Variants in WWOX observed in about 807,000 individuals in gnomAD.
WWOX encodes the protein WW domain-containing oxidoreductase.
In WWOX, 69 loss-of-function variants were observed where a neutral mutation model predicts 46.2. That is an observed-to-expected ratio of 1.49 (90% confidence interval 1.23 to 1.82). The LOEUF (loss-of-function observed/expected upper bound fraction) is 1.82, where lower values mean the gene tolerates loss of function less well. Among genes scored for constraint, WWOX ranks in the 40% most tolerant of loss-of-function variants. The pLI is 0.00. For synonymous variants in WWOX, 359 were observed against 202.6 expected, an observed-to-expected ratio of 1.77 and a Z score of -6.56; for missense variants, 919 against 542.6, an observed-to-expected ratio of 1.69 and a Z score of -6.89.
intron 5 of WWOX, among the ~76,000 whole-genome samples, chr16:78,334,909 G>C (rs2080850006): frequency 7.1e-6 from 1 of 140,598 alleles, no homozygotes; most frequent in South Asian, 2.3e-4. Flanking sequence ...TCATTGAGGA[G>C]ATACCATCTT....
chr16:78,310,362 C>T (rs907346326), intron 5 of WWOX, among the ~76,000 whole-genome samples: 1 of 152,214 alleles, frequency 6.6e-6, no homozygotes, highest in Non-Finnish European at 1.5e-5. Context: ...ACACAGCCTG[C>T]ACTATGTTTG....
chr16:78,626,790 T>G (rs1189858932), intron 8 of WWOX, among the ~76,000 whole-genome samples: 1 of 152,138 alleles, frequency 6.6e-6, no homozygotes, highest in Admixed American at 6.6e-5. Context: ...TCTCCCCCAT[T>G]TATTTATTTA....
intron 8 of WWOX, among the ~76,000 whole-genome samples, chr16:78,536,772 C>T (rs1233943537): frequency 1.3e-5 from 2 of 151,998 alleles, no homozygotes; most frequent in African/African-American, 2.4e-5. Flanking sequence ...AGGTGACTTG[C>T]CTCTAGCTGA....
At chr16:78,899,074 T>G (rs2044765889) in intron 8 of WWOX, 1 of 152,080 alleles carries the variant, frequency 6.6e-6, no homozygotes, top group African/African-American at 2.4e-5. Context: ...TTTTATGGCT[T>G]TTGTTTCTTT....
At chr16:78,923,423 C>T (rs988522695) in intron 8 of WWOX, among the ~76,000 whole-genome samples, 1 of 152,124 alleles carries the variant, frequency 6.6e-6, no homozygotes, top group African/African-American at 2.4e-5. Flanking sequence ...GTCCCAGGTC[C>T]AGCCTGCTAT....
chr16:78,447,828 G>C (rs1597098963), intron 8 of WWOX, among the ~76,000 whole-genome samples: 1 of 152,108 alleles, frequency 6.6e-6, no homozygotes. Flanking sequence ...ATGTGAGTTG[G>C]AGTCTCCTTG....
chr16:78,919,257 C>G (rs541974852), intron 8 of WWOX, among the ~76,000 whole-genome samples: 33 of 152,134 alleles, frequency 2.2e-4, no homozygotes, highest in South Asian at 1.2e-3. Flanking sequence ...GACACCCCCC[C>G]ACTCTTAGCC....
chr16:79,028,561 T>TCTCTCCTTCCTTCCC (rs1160823327), intron 8 of WWOX, among the ~76,000 whole-genome samples: 2 of 151,424 alleles, frequency 1.3e-5, no homozygotes, highest in Non-Finnish European at 2.9e-5. Flanking sequence ...TCTTCCCTCC[T>TCTCTCCTTCCTTCCC]CTCTCCTTCC....
chr16:78,957,165 C>A, intron 8 of WWOX, among the ~76,000 whole-genome samples: 1 of 152,320 alleles, frequency 6.6e-6, no homozygotes, highest in Middle Eastern at 3.4e-3. Context: ...TCTGAGGTAT[C>A]TGCCCTTAAA....
chr16:79,045,459 A>T (rs1421772740), intron 8 of WWOX, among the ~76,000 whole-genome samples: 4 of 152,200 alleles, frequency 2.6e-5, no homozygotes, highest in African/African-American at 9.6e-5. Flanking sequence ...GAAATGGGCA[A>T]AGTTGCCAGC....
At chr16:78,110,022 T>A (rs564771959) in intron 3 of WWOX, among the ~76,000 whole-genome samples, 187 bp downstream of exon 3, 1 of 151,996 alleles carries the variant, frequency 6.6e-6, no homozygotes, top group East Asian at 1.9e-4. Flanking sequence ...TTCTTCTATT[T>A]TCCCCGCACA....
intron 8 of WWOX, among the ~76,000 whole-genome samples, chr16:78,442,347 G>T (rs1273502353): frequency 2.0e-5 from 3 of 151,998 alleles, no homozygotes; most frequent in African/African-American, 7.3e-5. Context: ...ATCGTTAACT[G>T]TATTCACCAT....
At chr16:78,639,380 T>C (rs1186664179) in intron 8 of WWOX, among the ~76,000 whole-genome samples, 2 of 152,150 alleles carry the variant, frequency 1.3e-5, no homozygotes, top group African/African-American at 4.8e-5. Flanking sequence ...ATAACAGACC[T>C]GTGGGCTCAG....
chr16:78,744,818 G>T (rs1308073052), intron 8 of WWOX, among the ~76,000 whole-genome samples: 2 of 152,164 alleles, frequency 1.3e-5, no homozygotes, highest in African/African-American at 4.8e-5. Context: ...AAACTGGTTG[G>T]TTGGCCTGAA....
chr16:78,362,741 C>T (rs2151914674), intron 5 of WWOX, among the ~76,000 whole-genome samples: 1 of 152,324 alleles, frequency 6.6e-6, no homozygotes, highest in South Asian at 2.1e-4. Flanking sequence ...AAATAGTAGA[C>T]ACAGTTCATG....
intron 4 of WWOX, among the ~76,000 whole-genome samples, chr16:78,147,687 TTTTTTTTTTA>T (rs1164789751): frequency 1.6e-4 from 20 of 126,220 alleles, no homozygotes; most frequent in African/African-American, 5.3e-4. Flanking sequence ...TTTTTTTTTT[TTTTTTTTTTA>T]AAAAAAAAAA....
At chr16:78,887,787 A>G (rs1206287789) in intron 8 of WWOX, among the ~76,000 whole-genome samples, 1 of 152,218 alleles carries the variant, frequency 6.6e-6, no homozygotes, top group East Asian at 1.9e-4. Flanking sequence ...TTTTCTCCAC[A>G]TTTGTGCAAT....
intron 1 of WWOX, among the ~76,000 whole-genome samples, 164 bp from the exon 2 acceptor site, chr16:78,108,259 C>A (rs191874655): frequency 7.7e-4 from 116 of 151,160 alleles, no homozygotes; most frequent in African/African-American, 2.7e-3. Context: ...CAGCAAACCT[C>A]CTAAAGTTGA....
chr16:78,817,455 A>G (rs999310668), intron 8 of WWOX, among the ~76,000 whole-genome samples: 6 of 152,212 alleles, frequency 3.9e-5, no homozygotes, highest in Non-Finnish European at 7.3e-5. Context: ...TGAAAGATCT[A>G]TCGGAAGAGT....
Sources: gnomAD v4.1 joint callset for allele counts (sites outside exome capture counted in the v4.1 genomes callset) on GRCh38, gnomAD v4.1.1 for gene constraint, MANE v1.5 for transcripts, NCBI Gene and HGNC (gene_info 2026-07-23, HGNC 2026-07-21) for gene names.